C12orf56: variants seen among roughly 807,000 people sequenced by gnomAD.
C12orf56 encodes the protein chromosome 12 open reading frame 56, also known as uncharacterized protein C12orf56.
In C12orf56, 71 loss-of-function variants were observed where a neutral mutation model predicts 69.9. That is an observed-to-expected ratio of 1.02 (90% CI 0.84 to 1.24). C12orf56 has a LOEUF of 1.24. C12orf56 is among the 50% of genes most tolerant of loss of function. C12orf56 has a pLI of 0.00. For missense variants in C12orf56, 732 were observed against 738.5 expected, an observed-to-expected ratio of 0.99 and a Z score of 0.10; for synonymous variants, 276 against 274.1, an observed-to-expected ratio of 1.01 and a Z score of -0.07.
chr12:64,354,392 T>C (rs767559438), intron 1 of C12orf56, among the ~76,000 whole-genome samples: 5 of 152,060 alleles, frequency 3.3e-5, no homozygotes, highest in Non-Finnish European at 7.4e-5. Context: ...TGTGCCATGA[T>C]CTGTGCAGTG....
At chr12:64,286,491 CA>C (rs1346584189) in intron 6 of C12orf56, among the ~76,000 whole-genome samples, 1 of 152,156 alleles carries the variant, frequency 6.6e-6, no homozygotes, top group Admixed American at 6.5e-5. Flanking sequence ...AACTCAAAAA[CA>C]AATGTACAGC....
chr12:64,277,649 T>TATATATAA, intron 9 of C12orf56, 31 bp downstream of exon 9: 3 of 1,391,186 alleles, frequency 2.2e-6, no homozygotes, highest in Non-Finnish European at 2.8e-6. Context: ...TATATATATA[T>TATATATAA]AATAGTTTAC....
chr12:64,353,197 A>C, intron 1 of C12orf56, 141 bp from the exon 2 acceptor site: 1 of 766,566 alleles, frequency 1.3e-6, no homozygotes, highest in Non-Finnish European at 2.0e-6. Context: ...TCACCCTGAC[A>C]CCCAGGCTAG....
At chr12:64,317,859 G>T (rs1198335269) in intron 4 of C12orf56, among the ~76,000 whole-genome samples, 1 of 152,014 alleles carries the variant, frequency 6.6e-6, no homozygotes, top group Non-Finnish European at 1.5e-5. Flanking sequence ...CTATAACAAG[G>T]TCTCCCCCAT....
chr12:64,282,681 T>A (rs2038145546), intron 8 of C12orf56, among the ~76,000 whole-genome samples: 1 of 150,560 alleles, frequency 6.6e-6, no homozygotes, highest in African/African-American at 2.5e-5. Flanking sequence ...GAGGTGAGGA[T>A]CACCTGAGCC....
intron 5 of C12orf56, among the ~76,000 whole-genome samples, chr12:64,308,834 C>G (rs1335097733): frequency 7.2e-6 from 1 of 139,270 alleles, no homozygotes; most frequent in Non-Finnish European, 1.5e-5. Context: ...CAGAGCAAGA[C>G]TCCATCTCAA....
chr12:64,319,985 G>C (rs1004397690), intron 3 of C12orf56, among the ~76,000 whole-genome samples: 3 of 152,010 alleles, frequency 2.0e-5, no homozygotes, highest in Non-Finnish European at 4.4e-5. Flanking sequence ...TTGCCGCCTT[G>C]GCAGACCCGC....
chr12:64,329,995 A>G (rs1011728215), intron 3 of C12orf56, among the ~76,000 whole-genome samples: 2 of 152,066 alleles, frequency 1.3e-5, no homozygotes, highest in Admixed American at 1.3e-4. Flanking sequence ...ATACGTGTGC[A>G]TGTGTCTTTA....
chr12:64,277,914 C>A, intron 8 of C12orf56, 111 bp from the exon 9 acceptor site: 4 of 842,424 alleles, frequency 4.7e-6, no homozygotes, highest in Non-Finnish European at 6.6e-6. Context: ...TGAAGCATTG[C>A]AGACCATCCT....
intron 1 of C12orf56, among the ~76,000 whole-genome samples, chr12:64,379,395 C>T (rs1362195704): frequency 1.3e-5 from 2 of 151,964 alleles, no homozygotes; most frequent in African/African-American, 4.8e-5. Flanking sequence ...CGCCATTCTC[C>T]TGCCTCAGCC....
At chr12:64,281,740 C>T (rs1000688687) in intron 8 of C12orf56, among the ~76,000 whole-genome samples, 3 of 151,954 alleles carry the variant, frequency 2.0e-5, no homozygotes, top group African/African-American at 7.3e-5. Context: ...TATTGAAGGA[C>T]ATGAAAAGAA....
chr12:64,309,183 G>A (rs2038573550), intron 5 of C12orf56, among the ~76,000 whole-genome samples: 2 of 152,000 alleles, frequency 1.3e-5, no homozygotes, highest in African/African-American at 2.4e-5. Flanking sequence ...CAATTCAGTG[G>A]CATTAAGTTA....
intron 1 of C12orf56, among the ~76,000 whole-genome samples, chr12:64,376,552 A>G (rs1206538662): frequency 1.3e-5 from 2 of 152,150 alleles, no homozygotes; most frequent in African/African-American, 4.8e-5. Flanking sequence ...TCCATCACCC[A>G]GGTGTTAAGC....
At chr12:64,354,193 G>T (rs763434738) in intron 1 of C12orf56, among the ~76,000 whole-genome samples, 5 of 152,242 alleles carry the variant, frequency 3.3e-5, no homozygotes, top group South Asian at 4.1e-4. Context: ...AAAGGGAAAA[G>T]GTCTCAATAA....
intron 2 of C12orf56, among the ~76,000 whole-genome samples, chr12:64,333,427 G>A (rs568952047): frequency 1.3e-4 from 19 of 149,602 alleles, no homozygotes; most frequent in African/African-American, 4.6e-4. Context: ...TCATTAAAAA[G>A]TTGGAAAAAA....
chr12:64,376,992 G>T (rs940521958), intron 1 of C12orf56, among the ~76,000 whole-genome samples: 2 of 151,764 alleles, frequency 1.3e-5, no homozygotes, highest in African/African-American at 2.4e-5. Context: ...ATTGTAAAAG[G>T]GTTCCTTTTT....
chr12:64,297,958 CA>C (rs1431686257), intron 6 of C12orf56, among the ~76,000 whole-genome samples: 3 of 152,164 alleles, frequency 2.0e-5, no homozygotes, highest in Non-Finnish European at 2.9e-5. Flanking sequence ...GTGGAATCGC[CA>C]CACTGCCTTC....
intron 3 of C12orf56, among the ~76,000 whole-genome samples, chr12:64,328,549 G>A (rs1045262124): frequency 5.3e-5 from 8 of 151,036 alleles, no homozygotes; most frequent in African/African-American, 1.5e-4. Context: ...ACATGGTGGC[G>A]GGCGCCTGTA....
At chr12:64,381,049 CT>C (rs1215094966) in intron 1 of C12orf56, among the ~76,000 whole-genome samples, 2 of 152,142 alleles carry the variant, frequency 1.3e-5, no homozygotes, top group African/African-American at 4.8e-5. Context: ...GCAGGGCCAG[CT>C]GTATGGGAGA....
Sources: gnomAD v4.1 joint callset for allele counts (sites outside exome capture counted in the v4.1 genomes callset) on GRCh38, gnomAD v4.1.1 for gene constraint, MANE v1.5 for transcripts, NCBI Gene and HGNC (gene_info 2026-07-23, HGNC 2026-07-21) for gene names.